Variants in NPFFR2 observed in about 807,000 individuals in gnomAD.
The protein encoded by NPFFR2 is neuropeptide FF receptor 2, also known as G-protein coupled receptor 74.
Under a neutral mutation model 13.1 loss-of-function variants are expected in NPFFR2, and 15 were observed. That is an observed-to-expected ratio of 1.15 (90% CI 0.77 to 1.76). The LOEUF (loss-of-function observed/expected upper bound fraction) is 1.76. Ranked by LOEUF, NPFFR2 falls within the 40% of genes most tolerant of loss-of-function variation. The pLI, the probability that NPFFR2 is intolerant of heterozygous loss-of-function variation, is 0.00. For synonymous variants in NPFFR2, 190 were observed against 175.7 expected (o/e 1.08, Z -0.65); for missense variants, 572 against 503.5 (o/e 1.14, Z -1.30).
chr4:72,053,682 A>G (rs751958238), intron 1 of NPFFR2, among the ~76,000 whole-genome samples: 3 of 151,874 alleles, frequency 2.0e-5, no homozygotes, highest in Non-Finnish European at 2.9e-5. Context: ...GATGACTTTC[A>G]TATAGATTCA....
At chr4:72,082,684 T>C (rs1351555614) in intron 1 of NPFFR2, among the ~76,000 whole-genome samples, 2 of 152,134 alleles carry the variant, frequency 1.3e-5, no homozygotes, top group African/African-American at 4.8e-5. Flanking sequence ...ATCTACTATC[T>C]TAGCATTCTT....
At chr4:72,055,008 A>G (rs1004314358) in intron 1 of NPFFR2, among the ~76,000 whole-genome samples, 8 of 152,066 alleles carry the variant, frequency 5.3e-5, no homozygotes, top group African/African-American at 1.9e-4. Context: ...TTTTATATGT[A>G]CATATAATAC....
chr4:72,061,641 G>C (rs1272162317), intron 1 of NPFFR2, among the ~76,000 whole-genome samples: 7 of 151,988 alleles, frequency 4.6e-5, no homozygotes, highest in African/African-American at 1.7e-4. Flanking sequence ...CAGGAACATG[G>C]GTAAAGCTGG....
At chr4:72,077,277 A>G (rs73824738) in intron 1 of NPFFR2, among the ~76,000 whole-genome samples, 1,998 of 152,258 alleles carry the variant, frequency 0.013, 50 homozygotes, top group African/African-American at 0.045. Context: ...GCATAAACTT[A>G]CCACAAGAAA....
chr4:72,135,473 C>T (rs1169293777), intron 2 of NPFFR2, among the ~76,000 whole-genome samples: 1 of 151,776 alleles, frequency 6.6e-6, no homozygotes, highest in Non-Finnish European at 1.5e-5. Flanking sequence ...AGGATTGTCT[C>T]AACTTTCTCT....
chr4:72,102,140 T>C (rs1268679282), intron 1 of NPFFR2, among the ~76,000 whole-genome samples: 1 of 152,104 alleles, frequency 6.6e-6, no homozygotes, highest in Non-Finnish European at 1.5e-5. Context: ...GGGTTTATTC[T>C]CCTTAATCAT....
At chr4:72,097,700 T>A (rs1721110130) in intron 1 of NPFFR2, among the ~76,000 whole-genome samples, 1 of 152,080 alleles carries the variant, frequency 6.6e-6, no homozygotes, top group African/African-American at 2.4e-5. Context: ...AAGTCCAGGG[T>A]GATAAAGCCT....
Position 72,032,152 on chromosome 4 carries a change from G to A in NPFFR2, c.-56G>A, listed in dbSNP as rs375344185. The A allele has an allele frequency of 2.5e-6, 4 of 1,613,796 alleles. No individual in the cohort carries two copies. Among genetic ancestry groups the A allele is most frequent in the East Asian group, 4.5e-5 (2 of 44,862 alleles). On this transcript the variant is annotated 5_prime_UTR_variant, in exon 1 of 4. Coordinates refer to ENST00000308744, the MANE Select transcript of NPFFR2 (RefSeq NM_004885.3). ...AGGGACAGAACCTGTTGCTGCAGACGGGCTTGGTGGATTCTGGTTCCTGCC... is the reference window on the plus strand; with the variant it reads ...AGGGACAGAACCTGTTGCTGCAGACAGGCTTGGTGGATTCTGGTTCCTGCC...
At chr4:72,032,999 G>A (rs1265766715) in intron 1 of NPFFR2, among the ~76,000 whole-genome samples, 1 of 151,954 alleles carries the variant, frequency 6.6e-6, no homozygotes, top group Admixed American at 6.6e-5. Flanking sequence ...AAAGATGCTG[G>A]TTTCCTTTTT....
At chr4:72,134,847 C>T (rs1661563802) in intron 2 of NPFFR2, among the ~76,000 whole-genome samples, 1 of 152,124 alleles carries the variant, frequency 6.6e-6, no homozygotes, top group African/African-American at 2.4e-5. Flanking sequence ...TGGGATACCC[C>T]TTCACTGATA....
At chr4:72,058,328 G>A (rs1246743052) in intron 1 of NPFFR2, among the ~76,000 whole-genome samples, 4 of 151,726 alleles carry the variant, frequency 2.6e-5, no homozygotes, top group Admixed American at 2.0e-4. Flanking sequence ...ATTCTGAAAA[G>A]TATGTGGCAG....
rs200556570 is a variant in NPFFR2 at position 72,147,841 on chromosome 4, A to G, written c.*29A>G. 5.7e-6 allele frequency: 8 copies of G among 1,400,092 alleles called. No homozygotes were observed. Among genetic ancestry groups the G allele is most frequent in the Admixed American group, 2.3e-5 (1 of 42,932 alleles). 86.7% of individuals were successfully genotyped at this position (1,400,092 alleles called of 1,614,324 possible). ...GAGCTAGTGTGATAATCCTAACTCT[A>G]CTACGCATTATATATTTAAATCCAT... On this transcript the variant is annotated 3_prime_UTR_variant, in exon 4 of 4. Coordinates refer to ENST00000308744, the MANE Select transcript of NPFFR2 (RefSeq NM_004885.3).
chr4:72,120,607 G>A (rs1175838407), intron 1 of NPFFR2, among the ~76,000 whole-genome samples: 2 of 152,212 alleles, frequency 1.3e-5, no homozygotes, highest in African/African-American at 4.8e-5. Context: ...GTGATACCCA[G>A]GCAAATAGGG....
intron 1 of NPFFR2, among the ~76,000 whole-genome samples, chr4:72,090,679 T>C (rs1720894320): frequency 6.6e-6 from 1 of 152,178 alleles, no homozygotes; most frequent in African/African-American, 2.4e-5. Flanking sequence ...ATTGATTTTG[T>C]ATTCTGAAAC....
intron 1 of NPFFR2, among the ~76,000 whole-genome samples, chr4:72,087,076 A>G (rs1720793348): frequency 6.6e-6 from 1 of 152,174 alleles, no homozygotes; most frequent in African/African-American, 2.4e-5. Context: ...CACCAGAAAT[A>G]CCAACTTGGG....
chr4:72,117,077 C>T (rs542650065), intron 1 of NPFFR2, among the ~76,000 whole-genome samples: 1 of 152,250 alleles, frequency 6.6e-6, no homozygotes, highest in South Asian at 2.1e-4. Context: ...AAGGACCCCC[C>T]ACCCTTTTCT....
intron 1 of NPFFR2, among the ~76,000 whole-genome samples, chr4:72,054,851 A>G (rs978039423): frequency 6.6e-6 from 1 of 151,934 alleles, no homozygotes; most frequent in Non-Finnish European, 1.5e-5. Context: ...AAAACTGTTC[A>G]GAGTTCTGTC....
chr4:72,139,738 C>T (rs1008893075), intron 3 of NPFFR2, among the ~76,000 whole-genome samples: 6 of 152,062 alleles, frequency 3.9e-5, no homozygotes, highest in Admixed American at 6.6e-5. Flanking sequence ...CTTGGCAATG[C>T]GGGCTCTTTT....
Position 72,147,711 on chromosome 4 carries a change from C to T in NPFFR2, c.1162C>T (p.Pro388Ser), listed in dbSNP as rs560342317. Reference protein sequence around the residue: ...QLVQESTFQNPHGETLLYRKS... With the variant: ...QLVQESTFQNSHGETLLYRKS... ...TGTCCAGGAATCTACATTTCAAAAC[C>T]CTCATGGGGAAACCTTGCTTTATAG... Residue 388 changes from proline to serine, a missense_variant, in exon 4 of 4, where the codon CCT becomes TCT. Pro to Ser is a moderately conservative substitution (Grantham distance 74, BLOSUM62 -1). Transcript: ENST00000308744. The T allele has an allele frequency of 6.2e-7, 1 of 1,613,392 alleles. No homozygotes were observed. Among genetic ancestry groups the T allele is most frequent in the African/African-American group, 1.3e-5 (1 of 74,954 alleles).
Sources: gnomAD v4.1 joint callset for allele counts (sites outside exome capture counted in the v4.1 genomes callset) on GRCh38, gnomAD v4.1.1 for gene constraint, MANE v1.5 for transcripts, NCBI Gene and HGNC (gene_info 2026-07-23, HGNC 2026-07-21) for gene names.